LPIN3: variants seen among roughly 807,000 people sequenced by gnomAD.
LPIN3 encodes the protein phosphatidate phosphatase LPIN3.
In LPIN3, 82 loss-of-function variants were observed where a neutral mutation model predicts 94.7. That is an observed-to-expected ratio of 0.87 (90% CI 0.72 to 1.04). The LOEUF (loss-of-function observed/expected upper bound fraction) is 1.04, where lower values mean the gene tolerates loss of function less well. LPIN3 is among the 50% of genes least tolerant of loss of function. The probability of loss-of-function intolerance (pLI) is 0.00; values close to 1 mark genes in which losing one functional copy is unlikely to be tolerated. For synonymous variants in LPIN3, 418 were observed against 443.3 expected, an observed-to-expected ratio of 0.94 and a Z score of 0.72; for missense variants, 996 against 1,090.5, an observed-to-expected ratio of 0.91 and a Z score of 1.22.
chr20:41,346,140 T>C, intron 2 of LPIN3, 145 bp downstream of exon 2: 1 of 892,674 alleles, frequency 1.1e-6, no homozygotes, highest in South Asian at 1.8e-5. Flanking sequence ...TGTACTTTCT[T>C]TGAAGGTTTT....
intron 1 of LPIN3, among the ~76,000 whole-genome samples, chr20:41,343,693 G>A (rs1481689054): frequency 6.6e-6 from 1 of 152,226 alleles, no homozygotes; most frequent in African/African-American, 2.4e-5. Context: ...AGTAGACTGT[G>A]GACTGGGAAC....
chr20:41,343,797 C>T lies in LPIN3; in HGVS notation c.-8-1999C>T, dbSNP rs192473253. Among the ~76,000 whole-genome samples, 10 of 152,358 alleles carry T rather than the reference C, an allele frequency of 6.6e-5. No individual in the cohort carries two copies. In the East Asian group the frequency reaches 9.6e-4, roughly 15 times the overall value. ...ATGCTAGGCCAGGTGCAATGGCTCA[C>T]GCCTGTAGTCCCGGCACTTTGGTAG... On this transcript the variant is annotated intron_variant, in intron 1 of 19. Coordinates refer to ENST00000373257, the MANE Select transcript of LPIN3 (RefSeq NM_022896.3).
Position 41,352,151 on chromosome 20 carries a change from C to G in LPIN3, c.1294C>G (p.Leu432Val). The G allele has an allele frequency of 1.9e-6, 3 of 1,614,230 alleles. No individual in the cohort carries two copies. The highest frequency in any genetic ancestry group is 2.5e-6 in the Non-Finnish European group (3 of 1,180,022). The change falls in exon 9 of 20, where the codon CTG becomes GTG. Residue 432 changes from leucine to valine, a missense_variant. Leu to Val is a conservative substitution (Grantham distance 32). Transcript: ENST00000373257. ...CCCTGAACATGAACCTGAACCCACT[C>G]TGGACACAGTGGATACAATAGCACT... ...PNPEHEPEPTLDTVDTIALSL... is the reference protein window; with the variant it reads ...PNPEHEPEPTVDTVDTIALSL...
intron 2 of LPIN3, among the ~76,000 whole-genome samples, chr20:41,346,365 G>A (rs2045776542): frequency 6.6e-6 from 1 of 152,196 alleles, no homozygotes; most frequent in Admixed American, 6.5e-5. Context: ...GATGCTGGTG[G>A]GACAAGTCAA....
At chr20:41,347,150 T>C (rs2045808620) in intron 2 of LPIN3, among the ~76,000 whole-genome samples, 1 of 152,158 alleles carries the variant, frequency 6.6e-6, no homozygotes, top group Non-Finnish European at 1.5e-5. Context: ...ATTCCCACCA[T>C]TGTTTATGCA....
chr20:41,351,685 G>T, intron 7 of LPIN3, 136 bp from the exon 8 acceptor site: 1 of 696,188 alleles, frequency 1.4e-6, no homozygotes, highest in Middle Eastern at 2.5e-4. Context: ...AGGCAGTGCA[G>T]ACATGGGACA....
rs1444953451 is a variant in LPIN3 at position 41,353,723 on chromosome 20, C to G, written c.1527+856C>G. Among the ~76,000 whole-genome samples, 9 of 152,244 alleles carry G rather than the reference C, an allele frequency of 5.9e-5. No individual in the cohort carries two copies. The East Asian group carries it at 1.7e-3, about 29-fold the overall frequency. On this transcript the variant is annotated intron_variant, in intron 11 of 19. Coordinates refer to ENST00000373257, the MANE Select transcript of LPIN3 (RefSeq NM_022896.3). ...AGCCTGTGCCAACCTGCACCTGCCC[C>G]TCTGGGAGCAATCCAAGGCACCACA...
intron 19 of LPIN3, 41 bp from the exon 20 acceptor site, chr20:41,358,681 G>C: frequency 6.2e-7 from 1 of 1,608,982 alleles, no homozygotes; most frequent in Non-Finnish European, 8.5e-7. Flanking sequence ...CCATCGTTTG[G>C]TGGCAGCTCA....
intron 1 of LPIN3, among the ~76,000 whole-genome samples, chr20:41,344,508 T>C (rs2045700585): frequency 6.6e-6 from 1 of 152,168 alleles, no homozygotes; most frequent in South Asian, 2.1e-4. Flanking sequence ...GAGAAGAAAG[T>C]GCTCTGTAGA....
chr20:41,358,698 G>A (rs775691748), intron 19 of LPIN3, 24 bp from the exon 20 acceptor site: 2 of 1,612,854 alleles, frequency 1.2e-6, no homozygotes, highest in African/African-American at 1.3e-5. Flanking sequence ...CTCAGGCTCA[G>A]TGCTGGCCCC....
intron 1 of LPIN3, among the ~76,000 whole-genome samples, chr20:41,341,933 T>C (rs4812497): frequency 0.39 from 59,572 of 152,038 alleles, 13,492 homozygotes; most frequent in East Asian, 0.81. Context: ...GCCAAAATCA[T>C]GCCACCGCAC....
rs759213927 is a variant in LPIN3, at chr20:41,348,723, C to T, written c.393C>T (p.Leu131=). ...GCACTGCCAGTGAGCCTGAGGGCCT[C>T]GTCATGGCAGGCACGGCCTCCACTG... ...QLGTASEPEG[L]VMAGTASTGR... is the part of the protein sequence containing the mutation. The change falls in exon 4 of 20, where the codon CTC becomes CTT. Residue 131 remains leucine (L), a synonymous_variant. Transcript: ENST00000373257. 15 of 1,613,764 alleles carry T rather than the reference C, an allele frequency of 9.3e-6. No homozygotes were observed. Among genetic ancestry groups the T allele is most frequent in the South Asian group, 8.8e-5 (8 of 91,036 alleles).
chr20:41,354,714 C>T lies in LPIN3; in HGVS notation c.1597C>T (p.Arg533Cys), dbSNP rs926588748. The T allele has an allele frequency of 6.2e-6, 10 of 1,607,416 alleles. No individual in the cohort carries two copies. Among genetic ancestry groups the T allele is most frequent in the East Asian group, 4.5e-5 (2 of 44,714 alleles). ...KGGRWWFSWR[R>C]RDFLAEERSA... ...TGGGCGATGGTGGTTTTCCTGGCGA[C>T]GCAGGGACTTCCTGGCCGAGGAGGT... Residue 533 changes from arginine (R) to cysteine (C), a missense_variant, in exon 12 of 20, where the codon CGC (arginine) becomes TGC (cysteine). Coordinates refer to ENST00000373257, the MANE Select transcript of LPIN3 (RefSeq NM_022896.3).
rs1432139794 is a variant in LPIN3, at chr20:41,358,324, C to T, written c.2280C>T (p.Phe760=). Residue 760 remains phenylalanine, a synonymous_variant, in exon 18 of 20, where the codon TTC becomes TTT. Coordinates refer to ENST00000373257, the MANE Select transcript of LPIN3 (RefSeq NM_022896.3). ...QQLFLPHGQP[F]YAAFGNRPND... ...TGTTTCTGCCCCACGGACAGCCCTTCTATGCTGCCTTTGGGAATAGGCCCA... is the reference window on the plus strand; with the variant it reads ...TGTTTCTGCCCCACGGACAGCCCTTTTATGCTGCCTTTGGGAATAGGCCCA... 6.2e-7 allele frequency: 1 copy of T among 1,614,082 alleles called. No individual in the cohort carries two copies. The highest frequency in any genetic ancestry group is 2.2e-5 in the East Asian group (1 of 44,894).
chr20:41,344,914 G>A (rs1012823214), intron 1 of LPIN3, among the ~76,000 whole-genome samples: 8 of 152,216 alleles, frequency 5.3e-5, no homozygotes, highest in African/African-American at 1.4e-4. Context: ...TTCCCACCAG[G>A]GAAACTGGGA....
chr20:41,344,679 C>T (rs1483778753), intron 1 of LPIN3, among the ~76,000 whole-genome samples: 1 of 152,180 alleles, frequency 6.6e-6, no homozygotes. Context: ...CCTCAGCCTC[C>T]TGCTTTGGGC....
At position 41,354,847 on chromosome 20, in the gene LPIN3, G is replaced by A. The variant is rs2046154884; in HGVS notation, c.1648G>A (p.Ala550Thr). The A allele has an allele frequency of 2.5e-6, 4 of 1,577,378 alleles. No homozygotes were observed. Among genetic ancestry groups the A allele is most frequent in the Non-Finnish European group, 3.4e-6 (4 of 1,161,182 alleles). The change falls in exon 13 of 20, where the codon GCC becomes ACC. Residue 550 changes from alanine (A) to threonine (T), a missense_variant. Physicochemically the swap from Ala to Thr is moderately conservative, Grantham distance 58. Coordinates refer to ENST00000373257, the MANE Select transcript of LPIN3 (RefSeq NM_022896.3). ...CAGTGCCCAGAAGGAGAAGACTGCA[G>A]CCAAGGAGCAGCAGGGGTGAGTGAG... ...ERSAQKEKTAAKEQQGEKTEV... is the reference protein window; with the variant it reads ...ERSAQKEKTATKEQQGEKTEV...
At chr20:41,348,544 G>C (rs992597298) in intron 3 of LPIN3, 75 bp from the exon 4 acceptor site, 32 of 1,526,508 alleles carry the variant, frequency 2.1e-5, no homozygotes, top group Non-Finnish European at 2.5e-5. Flanking sequence ...CCCAGGCAAG[G>C]CTCAAGATGA....
Position 41,358,007 on chromosome 20 carries a change from C to T in LPIN3, c.2165C>T (p.Pro722Leu). The T allele has an allele frequency of 1.2e-6, 2 of 1,609,058 alleles. No homozygotes were observed. Among genetic ancestry groups the T allele is most frequent in the East Asian group, 4.5e-5 (2 of 44,858 alleles). Residue 722 changes from proline (P) to leucine (L), a missense_variant, in exon 17 of 20, where the codon CCC becomes CTC. Coordinates refer to ENST00000373257, the MANE Select transcript of LPIN3 (RefSeq NM_022896.3). ...CCCAAGGGCCCCATCCTTCTGTCTC[C>T]CAGCAGCCTCTTCTCTGCCCTCCAC... ...SLPKGPILLS[P>L]SSLFSALHRE...
Sources: allele counts gnomAD v4.1 joint callset (sites outside exome capture counted in the v4.1 genomes callset), GRCh38; gene constraint gnomAD v4.1.1; transcripts MANE v1.5; gene names NCBI Gene and HGNC (gene_info 2026-07-23, HGNC 2026-07-21).